SETBP1: variants seen among roughly 807,000 people sequenced by gnomAD.
SETBP1 encodes SET binding protein 1.
In SETBP1, 9 loss-of-function variants were observed where a neutral mutation model predicts 101.0. That is an observed-to-expected ratio of 0.09 (90% CI 0.05 to 0.16). The LOEUF (loss-of-function observed/expected upper bound fraction) is 0.16. SETBP1 is among the 10% of genes least tolerant of loss of function. The probability of loss-of-function intolerance (pLI) is 1.00; values close to 1 mark genes in which losing one functional copy is unlikely to be tolerated. For synonymous variants in SETBP1, 818 were observed against 788.5 expected (o/e 1.04, Z -0.63); for missense variants, 1,858 against 2,033.8 (o/e 0.91, Z 1.66).
In SETBP1 at chr18:44,694,209, G is replaced by A. The variant is rs1453057411; in HGVS notation, c.-172-6966G>A. On this transcript the variant is annotated intron_variant, in intron 1 of 5. Transcript: ENST00000649279. ...AAGCACTGACTTGTAAAGTTTGCTC[G>A]TTCTTATGGTGTAAACACTCCCACC... is the stretch of plus-strand genomic sequence containing the variant. 3.3e-5 allele frequency among the ~76,000 whole-genome samples: 5 copies of A among 152,208 alleles called. No individual in the cohort carries two copies. The East Asian group carries it at 7.7e-4, about 24-fold the overall frequency.
chr18:44,794,493 A>T (rs904524321), intron 2 of SETBP1, among the ~76,000 whole-genome samples: 4 of 152,150 alleles, frequency 2.6e-5, no homozygotes, highest in Non-Finnish European at 5.9e-5. Flanking sequence ...ACTGGAGGCA[A>T]TGAGATCGTA....
At chr18:44,983,080 T>C (rs1599408374) in intron 4 of SETBP1, among the ~76,000 whole-genome samples, 1 of 152,212 alleles carries the variant, frequency 6.6e-6, no homozygotes, top group East Asian at 1.9e-4. Flanking sequence ...CCAGGCCTTG[T>C]AGGTAACTTA....
intron 3 of SETBP1, among the ~76,000 whole-genome samples, chr18:44,917,460 C>A (rs941815500): frequency 1.3e-5 from 2 of 152,216 alleles, no homozygotes; most frequent in South Asian, 4.2e-4. Context: ...TTATTTCAAC[C>A]AAGGGTTACA....
intron 2 of SETBP1, among the ~76,000 whole-genome samples, chr18:44,743,421 A>G (rs1384884886): frequency 6.6e-6 from 1 of 152,212 alleles, no homozygotes; most frequent in Non-Finnish European, 1.5e-5. Flanking sequence ...TTGAGAATGA[A>G]CTGAATCGAA....
intron 5 of SETBP1, among the ~76,000 whole-genome samples, chr18:45,046,606 T>C (rs1334616945): frequency 6.6e-6 from 1 of 152,174 alleles, no homozygotes; most frequent in Non-Finnish European, 1.5e-5. Flanking sequence ...AGAAGTTCTG[T>C]GAGAATTTCA....
intron 2 of SETBP1, among the ~76,000 whole-genome samples, chr18:44,843,869 A>T (rs1439356632): frequency 2.0e-5 from 3 of 151,450 alleles, no homozygotes; most frequent in Admixed American, 6.6e-5. Flanking sequence ...CCACAATTAA[A>T]CTCCACAGGC....
At chr18:44,839,070 T>C (rs1231466590) in intron 2 of SETBP1, among the ~76,000 whole-genome samples, 1 of 120,536 alleles carries the variant, frequency 8.3e-6, no homozygotes, top group Non-Finnish European at 1.9e-5. Flanking sequence ...TCTCTTAATA[T>C]CTTAAAAAAA....
At chr18:44,821,107 G>A (rs940336156) in intron 2 of SETBP1, among the ~76,000 whole-genome samples, 1 of 152,176 alleles carries the variant, frequency 6.6e-6, no homozygotes, top group South Asian at 2.1e-4. Context: ...TAGGTTGGGG[G>A]TAGGAAGACC....
intron 2 of SETBP1, among the ~76,000 whole-genome samples, chr18:44,758,543 C>T (rs565368183): frequency 8.5e-5 from 13 of 152,180 alleles, no homozygotes; most frequent in South Asian, 2.1e-4. Context: ...CCACCACGCC[C>T]GGCTAATTTT....
chr18:44,841,064 C>T (rs908989035), intron 2 of SETBP1, among the ~76,000 whole-genome samples: 5 of 152,208 alleles, frequency 3.3e-5, no homozygotes, highest in Admixed American at 6.5e-5. Context: ...TAGCTTAAAA[C>T]GATAAGCATT....
chr18:44,956,588 C>A (rs1279990550), intron 4 of SETBP1, among the ~76,000 whole-genome samples: 1 of 152,176 alleles, frequency 6.6e-6, no homozygotes, highest in African/African-American at 2.4e-5. Flanking sequence ...TGTCCTATTT[C>A]ACATGAGCTA....
At chr18:44,794,880 C>G (rs946958157) in intron 2 of SETBP1, among the ~76,000 whole-genome samples, 5 of 152,042 alleles carry the variant, frequency 3.3e-5, no homozygotes, top group Non-Finnish European at 5.9e-5. Context: ...ATAATTCTTC[C>G]TTGGGTTATC....
intron 3 of SETBP1, among the ~76,000 whole-genome samples, chr18:44,909,999 A>G (rs1217210075): frequency 6.6e-6 from 1 of 152,146 alleles, no homozygotes; most frequent in Admixed American, 6.5e-5. Flanking sequence ...AGATTACACT[A>G]TGGTTTCTTG....
intron 3 of SETBP1, among the ~76,000 whole-genome samples, chr18:44,948,502 T>TTG (rs1178935971): frequency 1.4e-5 from 2 of 147,674 alleles, no homozygotes; most frequent in African/African-American, 4.9e-5. Flanking sequence ...AGATAGATGA[T>TTG]AGATAGATAG....
chr18:44,994,688 C>G (rs929645126), intron 4 of SETBP1, among the ~76,000 whole-genome samples: 1 of 152,078 alleles, frequency 6.6e-6, no homozygotes, highest in Non-Finnish European at 1.5e-5. Flanking sequence ...AATATCCATA[C>G]AAAAGAAGAT....
At chr18:44,933,388 A>T (rs2070881861) in intron 3 of SETBP1, among the ~76,000 whole-genome samples, 1 of 152,144 alleles carries the variant, frequency 6.6e-6, no homozygotes, top group South Asian at 2.1e-4. Context: ...CAGTTAGGCT[A>T]CTCGGGGGTC....
chr18:44,768,347 C>T (rs998374431), intron 2 of SETBP1, among the ~76,000 whole-genome samples: 2 of 152,040 alleles, frequency 1.3e-5, no homozygotes, highest in African/African-American at 4.8e-5. Context: ...TACACAGATA[C>T]TTAAAACCTT....
intron 4 of SETBP1, among the ~76,000 whole-genome samples, chr18:44,978,775 G>A (rs1182649612): frequency 1.3e-5 from 2 of 152,150 alleles, no homozygotes; most frequent in African/African-American, 4.8e-5. Flanking sequence ...ACATGGGGTG[G>A]CTGCCCATGA....
Position 44,943,990 on chromosome 18 carries a change from A to G in SETBP1, c.541-5891A>G, listed in dbSNP as rs116306792. Among the ~76,000 whole-genome samples, 1,295 of 151,928 alleles carry G rather than the reference A, an allele frequency of 8.5e-3. 15 individuals carry two copies. The highest frequency in any genetic ancestry group is 0.029 in the African/African-American group (1,218 of 41,404). ...GCTGGGATTACAGGTGCACGCCATG[A>G]TACCCATCTAATTTTTGTATTTTTG... On this transcript the variant is annotated intron_variant, in intron 3 of 5. Coordinates refer to ENST00000649279, the MANE Select transcript of SETBP1 (RefSeq NM_015559.3).
Sources: allele counts gnomAD v4.1 joint callset (sites outside exome capture counted in the v4.1 genomes callset), GRCh38; gene constraint gnomAD v4.1.1; transcripts MANE v1.5; gene names NCBI Gene and HGNC (gene_info 2026-07-23, HGNC 2026-07-21).